Variants in B3GALT1 observed in about 807,000 individuals in gnomAD.
B3GALT1 encodes the protein UDP-Gal:betaGlcNAc beta 1,3-galactosyltransferase, polypeptide 1.
Under a neutral mutation model 23.2 loss-of-function variants are expected in B3GALT1, and 10 were observed. The observed-to-expected ratio is 0.43, with a 90% CI of 0.27 to 0.73. B3GALT1 has a LOEUF of 0.73. Ranked by LOEUF, B3GALT1 falls within the 30% of genes least tolerant of loss-of-function variation. The probability of loss-of-function intolerance (pLI) is 0.21; values close to 1 mark genes in which losing one functional copy is unlikely to be tolerated. For missense variants in B3GALT1, 299 were observed against 405.4 expected, an observed-to-expected ratio of 0.74 and a Z score of 2.25; for synonymous variants, 156 against 141.5, an observed-to-expected ratio of 1.10 and a Z score of -0.73.
chr2:167,856,997 C>T (rs1430999827), intron 4 of B3GALT1, among the ~76,000 whole-genome samples: 5 of 152,048 alleles, frequency 3.3e-5, no homozygotes, highest in East Asian at 1.9e-4. Context: ...ATTTCTGATC[C>T]GTGAGGATTA....
chr2:167,535,507 G>T lies in B3GALT1; in HGVS notation c.-410+45230G>T, dbSNP rs147655239. 1.0e-3 allele frequency among the ~76,000 whole-genome samples: 156 copies of T among 151,902 alleles called. 2 individuals carry two copies. The highest frequency in any genetic ancestry group is 3.6e-3 in the African/African-American group (150 of 41,428). On this transcript the variant is annotated intron_variant, in intron 2 of 4. Coordinates refer to ENST00000392690, the MANE Select transcript of B3GALT1 (RefSeq NM_020981.4). ...TAACAGAGTTAATCTAACTGCTTCA[G>T]TATTATACTGGCATGCCTTGCAGAA...
At chr2:167,666,709 C>T (rs1001293675) in intron 3 of B3GALT1, among the ~76,000 whole-genome samples, 1 of 152,076 alleles carries the variant, frequency 6.6e-6, no homozygotes, top group African/African-American at 2.4e-5. Flanking sequence ...ATGTAATGGC[C>T]TTCTTTGTCT....
chr2:167,774,920 A>G (rs1284284071), intron 3 of B3GALT1, among the ~76,000 whole-genome samples: 1 of 152,240 alleles, frequency 6.6e-6, no homozygotes, highest in Non-Finnish European at 1.5e-5. Context: ...TAGCAATAGG[A>G]TATTATCATT....
chr2:167,806,213 TTA>T (rs1430459000), intron 3 of B3GALT1, among the ~76,000 whole-genome samples: 2 of 152,352 alleles, frequency 1.3e-5, no homozygotes, highest in East Asian at 3.9e-4. Flanking sequence ...GCCCATCAGC[TTA>T]AGGAGATTTT....
intron 1 of B3GALT1, among the ~76,000 whole-genome samples, chr2:167,438,107 C>T (rs1200005194): frequency 6.6e-6 from 1 of 152,174 alleles, no homozygotes; most frequent in African/African-American, 2.4e-5. Context: ...GCTCTCTGGC[C>T]ACCTATAAAA....
intron 1 of B3GALT1, among the ~76,000 whole-genome samples, chr2:167,435,900 GTCTT>G (rs1698775586): frequency 6.6e-6 from 1 of 151,264 alleles, no homozygotes; most frequent in Non-Finnish European, 1.5e-5. Flanking sequence ...GAATTTCTCT[GTCTT>G]TCTATCTTGA....
chr2:167,710,873 C>T (rs190444155), intron 3 of B3GALT1, among the ~76,000 whole-genome samples: 5 of 152,102 alleles, frequency 3.3e-5, no homozygotes, highest in East Asian at 1.9e-4. Context: ...ATAAATAGCC[C>T]GTAGCTGGTC....
chr2:167,762,339 T>C (rs1038707621), intron 3 of B3GALT1, among the ~76,000 whole-genome samples: 1 of 152,178 alleles, frequency 6.6e-6, no homozygotes, highest in Non-Finnish European at 1.5e-5. Context: ...CTATTTCTTC[T>C]TCTACTCTGA....
intron 3 of B3GALT1, among the ~76,000 whole-genome samples, chr2:167,729,882 G>A (rs1687382022): frequency 1.3e-5 from 2 of 152,134 alleles, no homozygotes; most frequent in Non-Finnish European, 2.9e-5. Context: ...CAAGCTGCAG[G>A]TGGTGGCCAA....
chr2:167,837,940 C>G (rs532488656), intron 4 of B3GALT1, among the ~76,000 whole-genome samples: 1 of 152,094 alleles, frequency 6.6e-6, no homozygotes, highest in South Asian at 2.1e-4. Context: ...GGGTACATAA[C>G]AAATGAAGGC....
intron 1 of B3GALT1, among the ~76,000 whole-genome samples, chr2:167,382,652 A>G (rs898789115): frequency 6.6e-6 from 1 of 152,190 alleles, no homozygotes; most frequent in African/African-American, 2.4e-5. Flanking sequence ...ACACACCTTG[A>G]AATTAAACTT....
At chr2:167,663,363 T>G (rs995173300) in intron 3 of B3GALT1, among the ~76,000 whole-genome samples, 1 of 151,718 alleles carries the variant, frequency 6.6e-6, no homozygotes, top group Non-Finnish European at 1.5e-5. Flanking sequence ...TCTATCATTG[T>G]TGGACATTTG....
At chr2:167,665,656 A>G (rs1218091622) in intron 3 of B3GALT1, among the ~76,000 whole-genome samples, 2 of 152,058 alleles carry the variant, frequency 1.3e-5, no homozygotes, top group Non-Finnish European at 2.9e-5. Context: ...TTATTGGTCT[A>G]TTCAGAGATT....
intron 3 of B3GALT1, among the ~76,000 whole-genome samples, chr2:167,790,395 T>C (rs879300004): frequency 3.3e-5 from 5 of 152,182 alleles, no homozygotes; most frequent in Non-Finnish European, 7.3e-5. Flanking sequence ...GTGAGTCTGG[T>C]TTCATCTGAG....
At chr2:167,514,769 G>C (rs1390937715) in intron 2 of B3GALT1, among the ~76,000 whole-genome samples, 5 of 152,144 alleles carry the variant, frequency 3.3e-5, no homozygotes, top group Admixed American at 6.6e-5. Context: ...TCCTGAGACT[G>C]TCCAAGCCAT....
intron 1 of B3GALT1, among the ~76,000 whole-genome samples, chr2:167,299,467 T>C (rs1470716026): frequency 1.3e-5 from 2 of 152,198 alleles, no homozygotes; most frequent in Non-Finnish European, 2.9e-5. Context: ...TTAGTTTTTA[T>C]TTTTATAAAA....
intron 1 of B3GALT1, among the ~76,000 whole-genome samples, chr2:167,485,627 A>G (rs1225558141): frequency 6.6e-6 from 1 of 152,196 alleles, no homozygotes. Flanking sequence ...GTTAATTTAG[A>G]GGAATGGCCG....
chr2:167,352,487 C>T (rs1438021496), intron 1 of B3GALT1, among the ~76,000 whole-genome samples: 2 of 149,692 alleles, frequency 1.3e-5, no homozygotes, highest in East Asian at 4.0e-4. Flanking sequence ...TCTGGAAGGC[C>T]GAGGTGGGCG....
chr2:167,666,452 G>C (rs1354215167), intron 3 of B3GALT1, among the ~76,000 whole-genome samples: 3 of 152,078 alleles, frequency 2.0e-5, no homozygotes, highest in Non-Finnish European at 4.4e-5. Context: ...GAGTTCTGTA[G>C]ATGTCTGTTA....
Sources: gnomAD v4.1 joint callset for allele counts (sites outside exome capture counted in the v4.1 genomes callset) on GRCh38, gnomAD v4.1.1 for gene constraint, MANE v1.5 for transcripts, NCBI Gene and HGNC (gene_info 2026-07-23, HGNC 2026-07-21) for gene names.